IL6R: variants seen among roughly 807,000 people sequenced by gnomAD.
IL6R encodes the protein interleukin 6 receptor.
A neutral mutation model predicts 48.3 loss-of-function variants in IL6R; 38 were observed. The observed-to-expected ratio is 0.79, with a 90% CI of 0.61 to 1.03. The LOEUF is 1.03. IL6R is among the 50% of genes least tolerant of loss of function. The probability of loss-of-function intolerance (pLI) is 0.00; values close to 1 mark genes in which losing one functional copy is unlikely to be tolerated. For missense variants in IL6R, 534 were observed against 618.3 expected (o/e 0.86, Z 1.45); for synonymous variants, 264 against 256.2 (o/e 1.03, Z -0.29).
rs138047873 is a variant in IL6R, at chr1:154,437,531, A to T, written c.949+1421A>T. ...TGGGTTCAAGCAATCCTCCCGCCTC[A>T]GCCTCCTAAGTAGCTGGGACCACAG... On this transcript the variant is annotated intron_variant, in intron 6 of 9. Transcript: ENST00000368485. The T allele has an allele frequency of 2.5e-5, 11 of 438,086 alleles. No individual in the cohort carries two copies. The East Asian group carries it at 6.4e-4, about 25-fold the overall frequency. 27.1% of individuals were successfully genotyped at this position (438,086 alleles called of 1,614,324 possible). A position where few individuals can be genotyped will look rare whatever the true frequency, so the allele number is the denominator to read the frequency against.
chr1:154,424,880 T>G (rs989152952), intron 1 of IL6R, among the ~76,000 whole-genome samples: 1 of 152,144 alleles, frequency 6.6e-6, no homozygotes, highest in Non-Finnish European at 1.5e-5. Context: ...GCAAGACTCA[T>G]GCCTCCAACA....
intron 4 of IL6R, 98 bp from the exon 5 acceptor site, chr1:154,434,892 G>T (rs1484425913): frequency 3.0e-6 from 4 of 1,351,344 alleles, no homozygotes; most frequent in Non-Finnish European, 4.1e-6. Flanking sequence ...GGAGTGAACG[G>T]GGCTGGGTGG....
intron 8 of IL6R, among the ~76,000 whole-genome samples, chr1:154,453,865 G>A (rs1690726828): frequency 6.6e-6 from 1 of 152,200 alleles, no homozygotes; most frequent in Non-Finnish European, 1.5e-5. Flanking sequence ...AGCAAAGGTA[G>A]AGAAAACAGA....
At chr1:154,444,373 T>G (rs777512169) in intron 6 of IL6R, among the ~76,000 whole-genome samples, 8 of 152,142 alleles carry the variant, frequency 5.3e-5, no homozygotes, top group Non-Finnish European at 1.2e-4. Context: ...CATGCCCGGC[T>G]AATTTTGTAT....
chr1:154,438,233 C>G (rs1412431496), intron 6 of IL6R, among the ~76,000 whole-genome samples: 1 of 151,076 alleles, frequency 6.6e-6, no homozygotes, highest in Admixed American at 6.6e-5. Context: ...CTGATAAAAC[C>G]ACTTGAGACA....
At chr1:154,445,057 A>G (rs1690141045) in intron 6 of IL6R, 2 of 455,762 alleles carry the variant, frequency 4.4e-6, no homozygotes, top group Non-Finnish European at 8.8e-6. Context: ...GCTTCTCTCC[A>G]CAGACCATCC....
chr1:154,430,536 G>C lies in IL6R; in HGVS notation c.388G>C (p.Val130Leu). Residue 130 changes from valine (V) to leucine (L), a missense_variant, in exon 3 of 10, where the codon GTT (valine) becomes CTT (leucine). Transcript: ENST00000368485. ...SCFRKSPLSN[V>L]VCEWGPRSTP... ...CTTCCGGAAGAGCCCCCTCAGCAAT[G>C]TTGTTTGTGAGTGGGGTCCTCGGAG... is the stretch of plus-strand genomic sequence containing the variant. The C allele has an allele frequency of 6.2e-7, 1 of 1,614,136 alleles. No individual in the cohort carries two copies.
intron 1 of IL6R, among the ~76,000 whole-genome samples, chr1:154,420,820 G>A (rs1241579396): frequency 1.3e-5 from 2 of 152,118 alleles, no homozygotes; most frequent in African/African-American, 2.4e-5. Flanking sequence ...ACAGGCGTGA[G>A]CCACTGCACC....
chr1:154,410,519 G>A (rs1262893337), intron 1 of IL6R, among the ~76,000 whole-genome samples: 1 of 152,186 alleles, frequency 6.6e-6, no homozygotes, highest in African/African-American at 2.4e-5. Flanking sequence ...CCAAAGTGCT[G>A]GGATTACAGG....
intron 7 of IL6R, among the ~76,000 whole-genome samples, chr1:154,449,294 C>T (rs570358328): frequency 2.0e-4 from 30 of 152,054 alleles, no homozygotes; most frequent in Admixed American, 1.2e-3. Flanking sequence ...GCAGGCAGAT[C>T]ACCTGAGGTC....
At chr1:154,408,477 C>G (rs1393918880) in intron 1 of IL6R, among the ~76,000 whole-genome samples, 1 of 152,094 alleles carries the variant, frequency 6.6e-6, no homozygotes, top group Non-Finnish European at 1.5e-5. Context: ...TCTGACCGGG[C>G]CACTGGGTAC....
At chr1:154,447,817 C>T (rs1297632659) in intron 6 of IL6R, among the ~76,000 whole-genome samples, 6 of 151,844 alleles carry the variant, frequency 4.0e-5, no homozygotes, top group African/African-American at 1.2e-4. Flanking sequence ...CGGGTTCAAA[C>T]GATTCTCCTG....
intron 9 of IL6R, among the ~76,000 whole-genome samples, chr1:154,457,967 C>CTTTTCT (rs1690990841): frequency 3.3e-5 from 3 of 91,694 alleles, no homozygotes; most frequent in South Asian, 3.6e-4. Flanking sequence ...TTTTCTTTTT[C>CTTTTCT]TTTTTTTTTT....
intron 9 of IL6R, among the ~76,000 whole-genome samples, chr1:154,458,288 T>G (rs1212821765): frequency 6.6e-6 from 1 of 152,098 alleles, no homozygotes; most frequent in Non-Finnish European, 1.5e-5. Context: ...GCTTTTTCAA[T>G]GAAGTAGATT....
At chr1:154,428,495 G>C (rs901083761) in intron 1 of IL6R, among the ~76,000 whole-genome samples, 2 of 152,202 alleles carry the variant, frequency 1.3e-5, no homozygotes, top group African/African-American at 2.4e-5. Flanking sequence ...GTGTGCACTT[G>C]GGTGCCTGGC....
chr1:154,460,264 C>A (rs1691170275), intron 9 of IL6R, among the ~76,000 whole-genome samples: 1 of 152,154 alleles, frequency 6.6e-6, no homozygotes, highest in South Asian at 2.1e-4. Flanking sequence ...CCTCTCCAGC[C>A]CCCAGGCCCT....
chr1:154,457,322 C>CAAAAAAAAAAAAAAAAAAAAA (rs60033332), intron 9 of IL6R, among the ~76,000 whole-genome samples: 9 of 78,056 alleles, frequency 1.2e-4, no homozygotes, highest in Admixed American at 1.6e-4. Flanking sequence ...GACTCCGTCT[C>CAAAAAAAAAAAAAAAAAAAAA]AAAAAAAAAA....
chr1:154,419,847 G>C (rs1688550820), intron 1 of IL6R, among the ~76,000 whole-genome samples: 1 of 152,230 alleles, frequency 6.6e-6, no homozygotes, highest in Admixed American at 6.5e-5. Context: ...GGAAAAAGTA[G>C]AAAAACAACA....
chr1:154,462,577 G>A lies in IL6R; in HGVS notation c.1161-2557G>A, dbSNP rs923921676. Among the ~76,000 whole-genome samples the A allele has an allele frequency of 5.3e-5, 8 of 151,990 alleles. 1 individual carries two copies. The South Asian group carries it at 1.5e-3, about 28-fold the overall frequency. On this transcript the variant is annotated intron_variant, in intron 9 of 9. Transcript: ENST00000368485. ...TTTAATAGAGGTGGGGTTTCACAAT[G>A]TTGGTCAGGCTGGTCTCGAACTCCT... is the stretch of plus-strand genomic sequence containing the variant.
Sources: gnomAD v4.1 joint callset for allele counts (sites outside exome capture counted in the v4.1 genomes callset) on GRCh38, gnomAD v4.1.1 for gene constraint, MANE v1.5 for transcripts, NCBI Gene and HGNC (gene_info 2026-07-23, HGNC 2026-07-21) for gene names.